The following GRID2 variants were observed in gnomAD, a reference collection of about 807,000 sequenced individuals.
The protein encoded by GRID2 is glutamate receptor ionotropic, delta-2.
In GRID2, 33 loss-of-function variants were observed where a neutral mutation model predicts 114.8. The observed-to-expected ratio is 0.29, with a 90% confidence interval of 0.22 to 0.38. The LOEUF is 0.38. Among genes scored for constraint, GRID2 ranks in the 10% least tolerant of loss-of-function variants. The pLI is 1.00. For synonymous variants in GRID2, 505 were observed against 449.9 expected (o/e 1.12, Z -1.55); for missense variants, 1,184 against 1,257.7 (o/e 0.94, Z 0.89).
intron 1 of GRID2, among the ~76,000 whole-genome samples, chr4:92,567,993 T>G (rs1277410033): frequency 6.6e-6 from 1 of 151,878 alleles, no homozygotes; most frequent in Non-Finnish European, 1.5e-5. Context: ...ATATAAACTA[T>G]GAAGTAAAAT....
At chr4:92,688,446 T>C (rs1244184942) in intron 2 of GRID2, among the ~76,000 whole-genome samples, 1 of 152,182 alleles carries the variant, frequency 6.6e-6, no homozygotes, top group Non-Finnish European at 1.5e-5. Flanking sequence ...CCTTAAACTC[T>C]GCAGCTGCTG....
intron 1 of GRID2, among the ~76,000 whole-genome samples, chr4:92,589,405 G>A (rs1728605080): frequency 1.3e-5 from 2 of 152,192 alleles, no homozygotes; most frequent in Non-Finnish European, 2.9e-5. Context: ...TTTAAAATCA[G>A]TTTGCTCTTA....
At chr4:93,013,806 A>G (rs555642806) in intron 2 of GRID2, among the ~76,000 whole-genome samples, 10 of 152,116 alleles carry the variant, frequency 6.6e-5, no homozygotes, top group South Asian at 2.1e-4. Context: ...TAAAGGATAT[A>G]TATATATCTC....
chr4:93,497,784 AT>A (rs1224548369), intron 12 of GRID2, among the ~76,000 whole-genome samples: 1 of 151,586 alleles, frequency 6.6e-6, no homozygotes, highest in Non-Finnish European at 1.5e-5. Context: ...CTTCCCACCT[AT>A]TTTTTCAGAA....
chr4:93,450,633 C>G (rs1722600118), intron 10 of GRID2, among the ~76,000 whole-genome samples: 1 of 151,708 alleles, frequency 6.6e-6, no homozygotes, highest in Non-Finnish European at 1.5e-5. Flanking sequence ...ATTGTATCAT[C>G]CATCCATATC....
chr4:93,044,782 C>T (rs759388307), intron 2 of GRID2, among the ~76,000 whole-genome samples: 4 of 152,004 alleles, frequency 2.6e-5, no homozygotes, highest in Non-Finnish European at 4.4e-5. Flanking sequence ...ATTATGGCAA[C>T]CTTGTGTATG....
At chr4:93,572,382 C>A (rs901135917) in intron 13 of GRID2, among the ~76,000 whole-genome samples, 1 of 151,984 alleles carries the variant, frequency 6.6e-6, no homozygotes, top group Non-Finnish European at 1.5e-5. Context: ...GCTTTGAGTT[C>A]CATTATGAGC....
intron 1 of GRID2, among the ~76,000 whole-genome samples, chr4:93,786,640 C>A (rs1319766397): frequency 6.6e-6 from 1 of 152,118 alleles, no homozygotes; most frequent in Non-Finnish European, 1.5e-5. Context: ...CTATTTTCTA[C>A]AAGATGGAGG....
intron 2 of GRID2, among the ~76,000 whole-genome samples, chr4:93,043,058 A>T (rs1353210019): frequency 6.6e-6 from 1 of 152,142 alleles, no homozygotes. Context: ...CCCAGCAGAT[A>T]ATTCCTTTAT....
chr4:92,304,727 A>T lies in GRID2; in HGVS notation c.71A>T (p.Asp24Val). The change falls in exon 1 of 16, where the codon GAT (aspartate) becomes GTT (valine). Residue 24 changes from aspartate (D) to valine (V), a missense_variant. By Grantham distance (152) the Asp-to-Val change is radical (BLOSUM62 -3). This residue lies in a region of GRID2 where 455 missense variants were observed against 429.5 expected (regional missense o/e 1.06). Coordinates refer to ENST00000282020, the MANE Select transcript of GRID2 (RefSeq NM_001510.4). ...CGAACCTGGGACTCGGCGAATGCGG[A>T]TTCGATCATTCACATCGGTAAGAAA... ...WSRTWDSANA[D>V]SIIHIGAIFD... 6.2e-7 allele frequency: 1 copy of T among 1,610,906 alleles called. No homozygotes were observed. The highest frequency in any genetic ancestry group is 1.1e-5 in the South Asian group (1 of 90,992).
intron 13 of GRID2, among the ~76,000 whole-genome samples, chr4:93,550,556 T>G (rs1275984141): frequency 6.6e-6 from 1 of 152,236 alleles, no homozygotes; most frequent in African/African-American, 2.4e-5. Flanking sequence ...ATCACTGTTC[T>G]TCCTTCTGAA....
At position 92,535,517 on chromosome 4, in the gene GRID2, C is replaced by T. The variant is rs557062233; in HGVS notation, c.89-54614C>T. 6.6e-5 allele frequency among the ~76,000 whole-genome samples: 10 copies of T among 152,114 alleles called. No individual in the cohort carries two copies. In the South Asian group the frequency reaches 2.1e-3, roughly 32 times the overall value. On this transcript the variant is annotated intron_variant, in intron 1 of 15. Transcript: ENST00000282020. Reference sequence around the variant, plus strand: ...GGGATTGCAGTTATGACCTAATGTACTAAGGTAGCACTCAAAACAGCTATT... The same window carrying T: ...GGGATTGCAGTTATGACCTAATGTATTAAGGTAGCACTCAAAACAGCTATT...
At chr4:93,155,075 G>A (rs1361057250) in intron 4 of GRID2, among the ~76,000 whole-genome samples, 1 of 151,762 alleles carries the variant, frequency 6.6e-6, no homozygotes, top group East Asian at 1.9e-4. Context: ...GTTAGGATTC[G>A]GCTCTCTCAA....
intron 2 of GRID2, among the ~76,000 whole-genome samples, chr4:92,595,766 T>G (rs1157661011): frequency 6.6e-6 from 1 of 152,070 alleles, no homozygotes; most frequent in Admixed American, 6.6e-5. Context: ...GACAGGAAAT[T>G]AGCACAGTCA....
intron 2 of GRID2, among the ~76,000 whole-genome samples, chr4:92,652,753 G>A (rs1732006719): frequency 7.1e-6 from 1 of 140,056 alleles, no homozygotes; most frequent in Non-Finnish European, 1.5e-5. Flanking sequence ...GTTGGGGGGT[G>A]GATCACAAGA....
intron 1 of GRID2, among the ~76,000 whole-genome samples, chr4:92,509,652 A>G (rs6853291): frequency 0.34 from 52,161 of 151,778 alleles, 8,928 homozygotes; most frequent in Non-Finnish European, 0.36. Flanking sequence ...GAGGTAGAGT[A>G]GTGGCATTGC....
intron 4 of GRID2, among the ~76,000 whole-genome samples, chr4:93,182,075 G>A (rs186335618): frequency 1.3e-5 from 2 of 152,192 alleles, no homozygotes; most frequent in Admixed American, 6.6e-5. Context: ...AATTCAAATG[G>A]CATTGAAATA....
chr4:93,431,991 A>T (rs1024282523), intron 10 of GRID2, among the ~76,000 whole-genome samples: 2 of 152,198 alleles, frequency 1.3e-5, no homozygotes, highest in African/African-American at 4.8e-5. Flanking sequence ...ATTGACAAAG[A>T]TACTTTCTTA....
intron 14 of GRID2, among the ~76,000 whole-genome samples, chr4:93,749,997 A>G (rs10021032): frequency 0.36 from 55,081 of 152,116 alleles, 10,843 homozygotes; most frequent in East Asian, 0.73. Flanking sequence ...AATGTGAGAC[A>G]TGTTAACTAT....
Sources: allele counts gnomAD v4.1 joint callset (sites outside exome capture counted in the v4.1 genomes callset), GRCh38; gene constraint gnomAD v4.1.1; regional missense constraint gnomAD v4.1.1; transcripts MANE v1.5; gene names NCBI Gene and HGNC (gene_info 2026-07-23, HGNC 2026-07-21).